CPA6: variants seen among roughly 807,000 people sequenced by gnomAD.
CPA6 encodes the protein carboxypeptidase A6.
In CPA6, 58 loss-of-function variants were observed where a neutral mutation model predicts 63.3. The observed-to-expected ratio is 0.92, with a 90% CI of 0.74 to 1.14. The LOEUF (loss-of-function observed/expected upper bound fraction) is 1.14, where lower values mean the gene tolerates loss of function less well. Ranked by LOEUF, CPA6 falls within the 50% of genes most tolerant of loss-of-function variation. CPA6 has a pLI of 0.00. For missense variants in CPA6, 565 were observed against 526.6 expected (o/e 1.07, Z -0.71); for synonymous variants, 185 against 179.0 (o/e 1.03, Z -0.27).
At position 67,628,926 on chromosome 8, in the gene CPA6, C is replaced by A. The variant is rs569044311; in HGVS notation, c.117-4675G>T. Among the ~76,000 whole-genome samples the A allele has an allele frequency of 2.6e-5, 4 of 152,182 alleles. No individual in the cohort carries two copies. The East Asian group carries it at 7.7e-4, about 29-fold the overall frequency. On this transcript the variant is annotated intron_variant, in intron 1 of 10. Coordinates refer to ENST00000297770, the MANE Select transcript of CPA6 (RefSeq NM_020361.5). ...GATCAAGAGATTGAGACAATCCTGGCCAACATGGCAAAACCCCATCTCTAC... is the reference window on the plus strand; with the variant it reads ...GATCAAGAGATTGAGACAATCCTGGACAACATGGCAAAACCCCATCTCTAC...
intron 2 of CPA6, among the ~76,000 whole-genome samples, chr8:67,550,252 G>A (rs1274788958): frequency 6.6e-6 from 1 of 152,050 alleles, no homozygotes; most frequent in Non-Finnish European, 1.5e-5. Context: ...ATGTCCGTGA[G>A]TACTTGATGT....
chr8:67,484,195 G>A (rs1192639099), intron 7 of CPA6, among the ~76,000 whole-genome samples: 1 of 151,654 alleles, frequency 6.6e-6, no homozygotes, highest in Non-Finnish European at 1.5e-5. Context: ...TCAACCTCCC[G>A]AGTAGCTGGG....
intron 1 of CPA6, among the ~76,000 whole-genome samples, chr8:67,654,094 A>G (rs1271943816): frequency 6.6e-6 from 1 of 152,138 alleles, no homozygotes; most frequent in Non-Finnish European, 1.5e-5. Flanking sequence ...GATGAAGCCC[A>G]CTTGATCATG....
At chr8:67,473,655 A>G (rs1414674724) in intron 8 of CPA6, among the ~76,000 whole-genome samples, 1 of 151,908 alleles carries the variant, frequency 6.6e-6, no homozygotes, top group African/African-American at 2.4e-5. Flanking sequence ...CCCAGGCTGG[A>G]GTATAGTAGT....
chr8:67,475,777 CTT>C (rs1811165343), intron 8 of CPA6, among the ~76,000 whole-genome samples: 1 of 58,174 alleles, frequency 1.7e-5, no homozygotes, highest in Non-Finnish European at 3.1e-5. Flanking sequence ...CTCTTTCTTT[CTT>C]TCTTTCTTTC....
intron 1 of CPA6, among the ~76,000 whole-genome samples, chr8:67,713,099 G>GTGTGTGTGTATATATATA (rs1328463977): frequency 1.6e-4 from 9 of 55,032 alleles, no homozygotes; most frequent in East Asian, 6.2e-4. Context: ...GTGTGTGTGT[G>GTGTGTGTGTATATATATA]TATATATATA....
intron 1 of CPA6, among the ~76,000 whole-genome samples, chr8:67,632,125 T>C (rs1351370448): frequency 5.3e-5 from 8 of 150,358 alleles, no homozygotes; most frequent in Non-Finnish European, 1.2e-4. Context: ...TTTAAACTTT[T>C]TGTAAACCTT....
At chr8:67,626,775 G>C (rs1228870821) in intron 1 of CPA6, among the ~76,000 whole-genome samples, 4 of 152,076 alleles carry the variant, frequency 2.6e-5, no homozygotes, top group Admixed American at 6.6e-5. Context: ...TCACTTGACA[G>C]CTTGCTGAAA....
intron 1 of CPA6, among the ~76,000 whole-genome samples, chr8:67,670,092 T>C (rs1816310630): frequency 6.6e-6 from 1 of 152,224 alleles, no homozygotes; most frequent in South Asian, 2.1e-4. Flanking sequence ...CAATTACCCA[T>C]CTAAGATGTA....
intron 6 of CPA6, among the ~76,000 whole-genome samples, chr8:67,505,405 G>C (rs574198612): frequency 2.6e-5 from 4 of 152,164 alleles, no homozygotes; most frequent in Non-Finnish European, 5.9e-5. Context: ...GCGTATGTTG[G>C]GGGTGAGGGA....
intron 1 of CPA6, among the ~76,000 whole-genome samples, chr8:67,704,638 G>C (rs191514585): frequency 6.6e-6 from 1 of 152,244 alleles, no homozygotes; most frequent in Admixed American, 6.5e-5. Context: ...TGAATAGGGG[G>C]CTTCTGTTCA....
intron 1 of CPA6, among the ~76,000 whole-genome samples, chr8:67,713,206 G>T (rs112908520): frequency 0.023 from 3,338 of 146,804 alleles, 152 homozygotes; most frequent in African/African-American, 0.08. Flanking sequence ...TATCCCCCGT[G>T]AACAAGGGAG....
At chr8:67,654,126 C>T (rs899709748) in intron 1 of CPA6, among the ~76,000 whole-genome samples, 30 of 152,240 alleles carry the variant, frequency 2.0e-4, no homozygotes, top group Non-Finnish European at 3.4e-4. Flanking sequence ...TTTTGATGTG[C>T]TGCTGGATTC....
chr8:67,463,556 G>T (rs1810861688), intron 8 of CPA6, among the ~76,000 whole-genome samples: 3 of 152,086 alleles, frequency 2.0e-5, no homozygotes, highest in African/African-American at 7.2e-5. Context: ...GGAGATATAT[G>T]TGCATGTTTG....
At chr8:67,532,249 G>A (rs1231819033) in intron 2 of CPA6, among the ~76,000 whole-genome samples, 1 of 152,096 alleles carries the variant, frequency 6.6e-6, no homozygotes, top group Non-Finnish European at 1.5e-5. Context: ...TAGAAAAATT[G>A]TTAGCAAATC....
chr8:67,431,827 C>G (rs1460646421), intron 9 of CPA6, among the ~76,000 whole-genome samples: 1 of 152,158 alleles, frequency 6.6e-6, no homozygotes, highest in Non-Finnish European at 1.5e-5. Context: ...GAACAAAATT[C>G]TCTTTTTTGG....
chr8:67,475,832 TTTCTTTCTTTCTTTC>T (rs1563967673), intron 8 of CPA6, among the ~76,000 whole-genome samples: 10 of 56,192 alleles, frequency 1.8e-4, no homozygotes, highest in Non-Finnish European at 3.3e-4. Flanking sequence ...CTTTTCTTTC[TTTCTTTCTTTCTTTC>T]TTTCTTTCTT....
At chr8:67,673,390 T>TATTATTA (rs1248669612) in intron 1 of CPA6, among the ~76,000 whole-genome samples, 116 of 99,620 alleles carry the variant, frequency 1.2e-3, no homozygotes, top group African/African-American at 6.7e-3. Flanking sequence ...ATTTATTTAT[T>TATTATTA]TTTTTTTTTT....
Position 67,698,381 on chromosome 8 carries a change from C to T in CPA6, c.116+47633G>A, listed in dbSNP as rs535742802. ...GATTCTGGTGAAGGTGATTCTAGAC[C>T]TTACTAAACTTATATCCTACTTCTC... On this transcript the variant is annotated intron_variant, in intron 1 of 10. Coordinates refer to ENST00000297770, the MANE Select transcript of CPA6 (RefSeq NM_020361.5). Among the ~76,000 whole-genome samples the T allele has an allele frequency of 2.6e-5, 4 of 152,234 alleles. No individual in the cohort carries two copies. In the East Asian group the frequency reaches 7.7e-4, roughly 29 times the overall value.
Sources: gnomAD v4.1 joint callset for allele counts (sites outside exome capture counted in the v4.1 genomes callset) on GRCh38, gnomAD v4.1.1 for gene constraint, MANE v1.5 for transcripts, NCBI Gene and HGNC (gene_info 2026-07-23, HGNC 2026-07-21) for gene names.